The following RGS6 variants were observed in gnomAD, a reference collection of about 807,000 sequenced individuals.
The protein encoded by RGS6 is regulator of G-protein signaling 6.
Under a neutral mutation model 78.5 loss-of-function variants are expected in RGS6, and 30 were observed. That is an observed-to-expected ratio of 0.38 (90% CI 0.29 to 0.52). The LOEUF is 0.52. RGS6 is among the 20% of genes least tolerant of loss of function. The pLI is 0.85. For synonymous variants in RGS6, 206 were observed against 206.0 expected, an observed-to-expected ratio of 1.00 and a Z score of 0.00; for missense variants, 495 against 609.7, an observed-to-expected ratio of 0.81 and a Z score of 1.98.
intron 2 of RGS6, among the ~76,000 whole-genome samples, chr14:72,220,848 T>G (rs546413713): frequency 3.4e-4 from 52 of 152,276 alleles, no homozygotes; most frequent in African/African-American, 1.3e-3. Context: ...ATTGAAAGAT[T>G]GGCTGTGTTT....
intron 3 of RGS6, among the ~76,000 whole-genome samples, chr14:72,417,807 C>T (rs578180120): frequency 1.9e-4 from 29 of 152,354 alleles, no homozygotes; most frequent in Admixed American, 5.2e-4. Context: ...TATGTAGGTG[C>T]TGTTAATTCT....
intron 12 of RGS6, among the ~76,000 whole-genome samples, chr14:72,480,040 G>A (rs185665032): frequency 6.1e-4 from 93 of 152,294 alleles, no homozygotes; most frequent in African/African-American, 1.3e-3. Flanking sequence ...TCTAAGTACC[G>A]TAATCCAGGT....
intron 2 of RGS6, among the ~76,000 whole-genome samples, chr14:72,102,145 A>T (rs1265698436): frequency 3.9e-5 from 6 of 152,324 alleles, no homozygotes; most frequent in Non-Finnish European, 5.9e-5. Flanking sequence ...GGGTATATTG[A>T]AGACATCTCT....
chr14:72,417,546 C>A (rs947894207), intron 3 of RGS6, among the ~76,000 whole-genome samples: 1 of 152,182 alleles, frequency 6.6e-6, no homozygotes, highest in Non-Finnish European at 1.5e-5. Context: ...GACCCTCTGG[C>A]ACTCTCTATT....
chr14:72,348,196 A>G (rs555425094), intron 2 of RGS6, among the ~76,000 whole-genome samples: 6 of 152,254 alleles, frequency 3.9e-5, no homozygotes, highest in African/African-American at 1.2e-4. Flanking sequence ...AGGTTTTCTA[A>G]AAGTCTGAGA....
rs11621724 is a variant in RGS6, at chr14:72,277,363, C to T, written c.85-74732C>T. Among the ~76,000 whole-genome samples the T allele has an allele frequency of 2.3e-3, 343 of 152,172 alleles. 1 individual carries two copies. The highest frequency in any genetic ancestry group is 0.02 in the East Asian group (104 of 5,160). ...CTGTAATCCCAGCACTTTGGGAGGC[C>T]GAAGCGGGCGGATCATGAGGTCAGG... On this transcript the variant is annotated intron_variant, in intron 2 of 17. Transcript: ENST00000553525.
chr14:71,896,428 T>C, the RGS6 span, among the ~76,000 whole-genome samples: 1 of 152,264 alleles, frequency 6.6e-6, no homozygotes, highest in East Asian at 1.9e-4. Flanking sequence ...GGTGGGAGTG[T>C]AGCAGTGAGG....
At chr14:71,924,709 T>C in the RGS6 span, among the ~76,000 whole-genome samples, 1 of 152,236 alleles carries the variant, frequency 6.6e-6, no homozygotes, top group Non-Finnish European at 1.5e-5. Flanking sequence ...ATTCATGTAG[T>C]AGCAAATGAC....
chr14:72,278,371 G>A (rs1219968882), intron 2 of RGS6, among the ~76,000 whole-genome samples: 3 of 152,198 alleles, frequency 2.0e-5, no homozygotes, highest in Admixed American at 6.5e-5. Context: ...ACCTAGAAAG[G>A]ATGTCAAGAG....
chr14:72,344,100 C>T (rs1477146102), intron 2 of RGS6, among the ~76,000 whole-genome samples: 1 of 152,142 alleles, frequency 6.6e-6, no homozygotes, highest in Admixed American at 6.5e-5. Flanking sequence ...TCCAGCCAAG[C>T]TCAGGGGAAA....
At chr14:72,541,714 G>T in intron 17 of RGS6, 2 of 1,374,812 alleles carry the variant, frequency 1.5e-6, no homozygotes, top group East Asian at 5.0e-5. Context: ...CAAGCCAAGG[G>T]TGCCTGTGTA....
At chr14:71,994,721 T>A (rs2095120498) in intron 2 of RGS6, among the ~76,000 whole-genome samples, 1 of 151,582 alleles carries the variant, frequency 6.6e-6, no homozygotes, top group African/African-American at 2.4e-5. Flanking sequence ...AAGATTGGAA[T>A]GATGCTGTCA....
At chr14:71,912,519 G>C in the RGS6 span, among the ~76,000 whole-genome samples, 1 of 152,332 alleles carries the variant, frequency 6.6e-6, no homozygotes, top group South Asian at 2.1e-4. Flanking sequence ...AACTGAAGAA[G>C]GAGGAAGGGA....
At chr14:72,539,921 C>T (rs2097299456) in intron 16 of RGS6, 120 bp from the exon 17 acceptor site, 1 of 835,898 alleles carries the variant, frequency 1.2e-6, no homozygotes, top group Non-Finnish European at 1.8e-6. Context: ...TTTTTCGCCC[C>T]ATTTTGCTTT....
At chr14:71,968,163 C>A (rs2093625890) in intron 2 of RGS6, among the ~76,000 whole-genome samples, 1 of 152,148 alleles carries the variant, frequency 6.6e-6, no homozygotes, top group Admixed American at 6.6e-5. Flanking sequence ...TCCTGAGTTA[C>A]TGAATTGCCC....
At chr14:72,274,506 G>A (rs965238156) in intron 2 of RGS6, among the ~76,000 whole-genome samples, 1 of 152,198 alleles carries the variant, frequency 6.6e-6, no homozygotes, top group African/African-American at 2.4e-5. Context: ...CCCAAGGCTG[G>A]GCCTCCAAAT....
At position 72,347,949 on chromosome 14, in the gene RGS6, T is replaced by C. The variant is rs150667414; in HGVS notation, c.85-4146T>C. ...CTGAGACTAAAAGCTTTATTTGCCA[T>C]GTTCAGCTCAAGATTTAATGGGTTG... On this transcript the variant is annotated intron_variant, in intron 2 of 17. Coordinates refer to ENST00000553525, the MANE Select transcript of RGS6 (RefSeq NM_001204424.2). Among the ~76,000 whole-genome samples the C allele has an allele frequency of 2.8e-4, 43 of 152,312 alleles. No individual in the cohort carries two copies. The East Asian group carries it at 6.6e-3, about 23-fold the overall frequency.
At chr14:72,489,249 G>A (rs1363979931) in intron 12 of RGS6, among the ~76,000 whole-genome samples, 5 of 150,324 alleles carry the variant, frequency 3.3e-5, no homozygotes, top group East Asian at 4.0e-4. Flanking sequence ...ATATGTCATC[G>A]TGACTCAGAT....
the RGS6 span, among the ~76,000 whole-genome samples, chr14:71,878,877 T>C: frequency 6.6e-6 from 1 of 152,226 alleles, no homozygotes; most frequent in Non-Finnish European, 1.5e-5. Context: ...GTTTCATCCT[T>C]GCCATAGCTC....
Sources: allele counts gnomAD v4.1 joint callset (sites outside exome capture counted in the v4.1 genomes callset), GRCh38; gene constraint gnomAD v4.1.1; transcripts MANE v1.5; gene names NCBI Gene and HGNC (gene_info 2026-07-23, HGNC 2026-07-21).